SLC39A11: variants seen among roughly 807,000 people sequenced by gnomAD.
The protein encoded by SLC39A11 is zinc transporter ZIP11.
Under a neutral mutation model 36.1 loss-of-function variants are expected in SLC39A11, and 33 were observed. The ratio of observed to expected loss-of-function variants is 0.91; its 90% confidence interval spans 0.69 to 1.22. The LOEUF (loss-of-function observed/expected upper bound fraction) is 1.22. SLC39A11 is among the 50% of genes most tolerant of loss of function. SLC39A11 has a pLI of 0.00. For missense variants in SLC39A11, 432 were observed against 430.3 expected, an observed-to-expected ratio of 1.00 and a Z score of -0.03; for synonymous variants, 166 against 170.3, an observed-to-expected ratio of 0.97 and a Z score of 0.20.
intron 7 of SLC39A11, among the ~76,000 whole-genome samples, chr17:72,673,710 A>T (rs878977257): frequency 6.6e-6 from 1 of 152,096 alleles, no homozygotes; most frequent in Non-Finnish European, 1.5e-5. Context: ...TTTTGGTTTA[A>T]TTATTTATTG....
chr17:72,996,506 G>C (rs1006967738), intron 4 of SLC39A11, among the ~76,000 whole-genome samples: 1 of 152,134 alleles, frequency 6.6e-6, no homozygotes, highest in African/African-American at 2.4e-5. Flanking sequence ...AATCCTTCTT[G>C]CATCTTCCAG....
At position 72,871,044 on chromosome 17, in the gene SLC39A11, T is replaced by C. The variant is rs28585650; in HGVS notation, c.431-21240A>G. ...TGGTTTTTGGTTTTTTTTGTTTGTT[T>C]GTTTTGTTTTTGTTTTTTTTTTTTT... On this transcript the variant is annotated intron_variant, in intron 5 of 9. Coordinates refer to ENST00000255559, the MANE Select transcript of SLC39A11 (RefSeq NM_139177.4). 9.8e-3 allele frequency among the ~76,000 whole-genome samples: 1,444 copies of C among 148,004 alleles called. 30 individuals carry two copies. The highest frequency in any genetic ancestry group is 0.035 in the African/African-American group (1,366 of 39,476).
intron 6 of SLC39A11, among the ~76,000 whole-genome samples, chr17:72,787,965 T>C (rs1389243910): frequency 6.6e-6 from 1 of 152,216 alleles, no homozygotes; most frequent in Non-Finnish European, 1.5e-5. Context: ...TTGCATTTAT[T>C]TGTACAATTC....
chr17:73,024,738 C>T (rs1411155789), intron 4 of SLC39A11, among the ~76,000 whole-genome samples: 3 of 152,046 alleles, frequency 2.0e-5, no homozygotes, highest in Non-Finnish European at 4.4e-5. Context: ...TGCTATGCCA[C>T]CCAGGCTGGA....
chr17:72,778,604 A>T (rs1167595819), intron 6 of SLC39A11, among the ~76,000 whole-genome samples: 9 of 152,222 alleles, frequency 5.9e-5, no homozygotes, highest in African/African-American at 2.2e-4. Flanking sequence ...ATGGCCTGAG[A>T]CATCTTGAGC....
intron 7 of SLC39A11, among the ~76,000 whole-genome samples, chr17:72,714,623 C>G (rs2073267788): frequency 6.6e-6 from 1 of 152,146 alleles, no homozygotes; most frequent in Non-Finnish European, 1.5e-5. Context: ...TCAGGAAATC[C>G]CATTTACAGA....
intron 4 of SLC39A11, among the ~76,000 whole-genome samples, chr17:73,001,513 T>C (rs896583614): frequency 6.6e-6 from 1 of 151,304 alleles, no homozygotes; most frequent in African/African-American, 2.4e-5. Flanking sequence ...TGTATACATA[T>C]GTAACTAACC....
chr17:72,837,082 C>G (rs958445945), intron 6 of SLC39A11, among the ~76,000 whole-genome samples: 9 of 152,240 alleles, frequency 5.9e-5, no homozygotes, highest in South Asian at 2.1e-4. Context: ...CCAAAGCCAC[C>G]CTTTGCAGCA....
chr17:72,874,809 A>G (rs1365053722), intron 5 of SLC39A11, among the ~76,000 whole-genome samples: 1 of 152,258 alleles, frequency 6.6e-6, no homozygotes, highest in African/African-American at 2.4e-5. Context: ...CGCTCTAAGA[A>G]GAAAGCACAG....
At chr17:73,036,121 T>TG (rs2058906439) in intron 3 of SLC39A11, among the ~76,000 whole-genome samples, 1 of 152,234 alleles carries the variant, frequency 6.6e-6, no homozygotes, top group Non-Finnish European at 1.5e-5. Context: ...CACTGTGGAC[T>TG]TCAGACCTCC....
intron 7 of SLC39A11, among the ~76,000 whole-genome samples, chr17:72,733,415 A>G (rs1164682591): frequency 6.6e-6 from 1 of 152,180 alleles, no homozygotes; most frequent in Non-Finnish European, 1.5e-5. Context: ...TGAGACATAT[A>G]CCACTACTCA....
chr17:72,832,568 C>G (rs1772521136), intron 6 of SLC39A11, among the ~76,000 whole-genome samples: 1 of 152,274 alleles, frequency 6.6e-6, no homozygotes, highest in Non-Finnish European at 1.5e-5. Flanking sequence ...GGACAAACAA[C>G]AGAGCAAGGA....
intron 5 of SLC39A11, among the ~76,000 whole-genome samples, chr17:72,878,938 G>T (rs1478651759): frequency 6.6e-6 from 1 of 152,246 alleles, no homozygotes. Flanking sequence ...GTTCACACTA[G>T]ACCTTCCTTG....
intron 1 of SLC39A11, among the ~76,000 whole-genome samples, chr17:73,090,534 G>T (rs1158264142): frequency 6.6e-6 from 1 of 152,198 alleles, no homozygotes; most frequent in African/African-American, 2.4e-5. Context: ...ATTCCGAGTT[G>T]CTGTGGACAA....
intron 7 of SLC39A11, among the ~76,000 whole-genome samples, chr17:72,651,057 A>G (rs1050239284): frequency 6.6e-6 from 1 of 152,114 alleles, no homozygotes; most frequent in African/African-American, 2.4e-5. Context: ...GTAGTTCCAG[A>G]TACCTCAGGA....
chr17:72,897,797 G>T (rs2082106456), intron 5 of SLC39A11, among the ~76,000 whole-genome samples: 1 of 152,212 alleles, frequency 6.6e-6, no homozygotes, highest in Non-Finnish European at 1.5e-5. Flanking sequence ...AGGGAATTCG[G>T]TGTGGAGTTC....
At chr17:73,061,831 C>CA (rs1250907995) in intron 3 of SLC39A11, among the ~76,000 whole-genome samples, 4 of 151,732 alleles carry the variant, frequency 2.6e-5, no homozygotes, top group Admixed American at 6.6e-5. Context: ...CCCATCTCTA[C>CA]AAAAAAACAC....
intron 6 of SLC39A11, among the ~76,000 whole-genome samples, chr17:72,793,604 T>A (rs74655319): frequency 1.3e-5 from 2 of 152,048 alleles, no homozygotes; most frequent in Non-Finnish European, 2.9e-5. Flanking sequence ...AATTTTTTTT[T>A]AAAAACACAG....
chr17:72,683,717 G>A (rs2071613486), intron 7 of SLC39A11, among the ~76,000 whole-genome samples: 1 of 152,030 alleles, frequency 6.6e-6, no homozygotes. Flanking sequence ...TCAAAGGGTT[G>A]ATCTCGTAGA....
Sources: gnomAD v4.1 joint callset for allele counts (sites outside exome capture counted in the v4.1 genomes callset) on GRCh38, gnomAD v4.1.1 for gene constraint, MANE v1.5 for transcripts, NCBI Gene and HGNC (gene_info 2026-07-23, HGNC 2026-07-21) for gene names.